Variants in GRAMD1B observed in about 807,000 individuals in gnomAD.
GRAMD1B encodes the protein protein Aster-B.
A neutral mutation model predicts 99.7 loss-of-function variants in GRAMD1B; 37 were observed. That is an observed-to-expected ratio of 0.37 (90% confidence interval 0.29 to 0.49). The LOEUF is 0.49. Ranked by LOEUF, GRAMD1B falls within the 20% of genes least tolerant of loss-of-function variation. The pLI is 0.98. For missense variants in GRAMD1B, 888 were observed against 1,009.2 expected (o/e 0.88, Z 1.63); for synonymous variants, 427 against 387.6 (o/e 1.10, Z -1.19).
intron 1 of GRAMD1B, among the ~76,000 whole-genome samples, chr11:123,466,841 C>T (rs564843633): frequency 1.3e-5 from 2 of 152,272 alleles, no homozygotes; most frequent in South Asian, 4.1e-4. Context: ...TATTTATTCT[C>T]TTGAGAGAGC....
chr11:123,512,903 A>G (rs946195476), intron 2 of GRAMD1B, among the ~76,000 whole-genome samples: 4 of 151,812 alleles, frequency 2.6e-5, no homozygotes, highest in Admixed American at 2.6e-4. Flanking sequence ...GGCTTTCATC[A>G]GCTCCCCAGG....
intron 1 of GRAMD1B, among the ~76,000 whole-genome samples, chr11:123,435,204 G>T (rs1949105013): frequency 6.6e-6 from 1 of 152,090 alleles, no homozygotes; most frequent in Non-Finnish European, 1.5e-5. Flanking sequence ...GATTAGGGAG[G>T]ATTAGCATAC....
At chr11:123,527,855 A>G (rs1942955432) in intron 2 of GRAMD1B, among the ~76,000 whole-genome samples, 1 of 152,194 alleles carries the variant, frequency 6.6e-6, no homozygotes, top group South Asian at 2.1e-4. Flanking sequence ...CTCTCAGCTC[A>G]GCCTGGGTTG....
rs1955517669 is a variant in GRAMD1B at position 123,626,492 on chromosome 11, G to T, written c.*3897G>T. ...TTGTGGTCCCAGAAGGGTACTTTCT[G>T]TGTCATACCATGCCACTTCTTTAAG... On this transcript the variant is annotated 3_prime_UTR_variant, in exon 20 of 20. Transcript: ENST00000635736. The T allele has an allele frequency of 6.6e-6, 1 of 151,946 alleles. No homozygotes were observed. Among genetic ancestry groups the T allele is most frequent in the Admixed American group, 6.6e-5 (1 of 15,222 alleles). The allele number at this position is 151,946 out of a possible 1,614,324, so 9.4% of individuals were successfully genotyped here. A position where few individuals can be genotyped will look rare whatever the true frequency, so the allele number is the denominator to read the frequency against.
Position 123,596,043 on chromosome 11 carries a change from T to C in GRAMD1B, c.969+6T>C, listed in dbSNP as rs1245099310. ...TTTGCACTGATTCAGAAAAGGTAAG[T>C]GGAGTCTAACTCTGGCCTTTCTAAT... On this transcript the variant is annotated splice_donor_region_variant and intron_variant, in intron 7 of 19. Transcript: ENST00000635736. 1 of 1,533,820 alleles carries C rather than the reference T, an allele frequency of 6.5e-7. No individual in the cohort carries two copies. The highest frequency in any genetic ancestry group is 9.0e-7 in the Non-Finnish European group (1 of 1,113,000).
At chr11:123,613,391 T>A in intron 15 of GRAMD1B, 64 bp from the exon 16 acceptor site, 1 of 1,190,436 alleles carries the variant, frequency 8.4e-7, no homozygotes, top group Non-Finnish European at 1.2e-6. Context: ...GGAAAATGGT[T>A]CTGCAGAGAG....
chr11:123,429,915 C>T (rs2134160725), upstream of GRAMD1B, among the ~76,000 whole-genome samples: 1 of 150,936 alleles, frequency 6.6e-6, no homozygotes. The surrounding 1 kb of genome is among the most constrained non-coding windows in gnomAD (Gnocchi z 4.0). Context: ...TGAAAAGTCT[C>T]CTCATTTTCC....
At chr11:123,418,442 A>C (rs889356388) in intron 1 of GRAMD1B, among the ~76,000 whole-genome samples, 2 of 152,202 alleles carry the variant, frequency 1.3e-5, no homozygotes, top group Admixed American at 1.3e-4. Flanking sequence ...AAGAGTTGAT[A>C]GATAAGCTGT....
rs372747888 is a variant in GRAMD1B, at chr11:123,612,925, G to A, written c.2023+61G>A. 8.4e-4 allele frequency: 777 copies of A among 920,342 alleles called. 8 individuals are homozygous for A. In the South Asian group the frequency reaches 0.011, roughly 13 times the overall value. The allele number at this position is 920,342 out of a possible 1,614,324, so 57.0% of individuals were successfully genotyped here. A position where few individuals can be genotyped will look rare whatever the true frequency, so the allele number is the denominator to read the frequency against. On this transcript the variant is annotated intron_variant, in intron 15 of 19. Coordinates refer to ENST00000635736, the MANE Select transcript of GRAMD1B (RefSeq NM_001387025.1). ...AGAGATGGTAAACTGCACTGCGGCC[G>A]CCCACCATTCAGGGGAATGGTATTG... is the stretch of plus-strand genomic sequence containing the variant.
chr11:123,381,609 G>A (rs760727987), intron 1 of GRAMD1B: 3 of 152,418 alleles, frequency 2.0e-5, no homozygotes, highest in East Asian at 1.9e-4. Flanking sequence ...ATTCAGAGTC[G>A]AGGTTCTAAT....
In GRAMD1B at chr11:123,547,254, G is replaced by C. The variant is rs572591670; in HGVS notation, c.453-30113G>C. Reference sequence around the variant, plus strand: ...GGACCCCAACTCTCAATCTGGAGAAGAAGGATCTATAAAATAGAAGCAGAT... The same window carrying C: ...GGACCCCAACTCTCAATCTGGAGAACAAGGATCTATAAAATAGAAGCAGAT... On this transcript the variant is annotated intron_variant, in intron 2 of 19. Coordinates refer to ENST00000635736, the MANE Select transcript of GRAMD1B (RefSeq NM_001387025.1). 2.7e-4 allele frequency among the ~76,000 whole-genome samples: 41 copies of C among 152,324 alleles called. 1 individual carries two copies. The South Asian group carries it at 4.6e-3, about 17-fold the overall frequency.
intron 4 of GRAMD1B, among the ~76,000 whole-genome samples, chr11:123,593,639 C>G (rs1301449049): frequency 6.6e-6 from 1 of 152,128 alleles, no homozygotes; most frequent in African/African-American, 2.4e-5. Context: ...CTCTGATAAT[C>G]ACGACAACAC....
intron 1 of GRAMD1B, among the ~76,000 whole-genome samples, chr11:123,449,122 A>G (rs1472026422): frequency 6.6e-6 from 1 of 152,196 alleles, no homozygotes; most frequent in Non-Finnish European, 1.5e-5. Context: ...TCGTTTGTTT[A>G]GTTAGCCTTT....
At chr11:123,435,061 T>A (rs1949099277) in intron 1 of GRAMD1B, among the ~76,000 whole-genome samples, 1 of 152,174 alleles carries the variant, frequency 6.6e-6, no homozygotes, top group Non-Finnish European at 1.5e-5. Context: ...ACTCTGTGAG[T>A]CTCTCACATG....
intron 2 of GRAMD1B, among the ~76,000 whole-genome samples, chr11:123,483,425 C>T (rs1951722527): frequency 7.0e-6 from 1 of 143,108 alleles, no homozygotes; most frequent in East Asian, 2.0e-4. Flanking sequence ...GGGTCTCTGT[C>T]ACCCAGGCTG....
At chr11:123,467,928 G>A (rs1274016181) in intron 1 of GRAMD1B, among the ~76,000 whole-genome samples, 1 of 150,264 alleles carries the variant, frequency 6.7e-6, no homozygotes, top group Non-Finnish European at 1.5e-5. Context: ...AAGTGGCGCA[G>A]TCTGAGTTCA....
chr11:123,613,423 G>C, intron 15 of GRAMD1B, 32 bp from the exon 16 acceptor site: 2 of 1,478,994 alleles, frequency 1.4e-6, no homozygotes, highest in Non-Finnish European at 1.9e-6. Context: ...GGCTGAAGGT[G>C]GCCTCTCCTG....
Position 123,603,560 on chromosome 11 carries a change from G to A in GRAMD1B, c.1166+19G>A, listed in dbSNP as rs563869593. ...CAATGGGGTGAGTGAGGCCAAGGGCGGCTGCCCAGAGGCAGCCGTGCGAGT... is the reference window on the plus strand; with the variant it reads ...CAATGGGGTGAGTGAGGCCAAGGGCAGCTGCCCAGAGGCAGCCGTGCGAGT... On this transcript the variant is annotated intron_variant, in intron 9 of 19. Coordinates refer to ENST00000635736, the MANE Select transcript of GRAMD1B (RefSeq NM_001387025.1). 19 of 1,505,568 alleles carry A rather than the reference G, an allele frequency of 1.3e-5. No individual in the cohort carries two copies. Among genetic ancestry groups the A allele is most frequent in the Middle Eastern group, 1.7e-4 (1 of 5,846 alleles). 93.3% of individuals were successfully genotyped at this position (1,505,568 alleles called of 1,614,324 possible). A position where few individuals can be genotyped will look rare whatever the true frequency, so the allele number is the denominator to read the frequency against.
chr11:123,568,728 T>C (rs1947703828), intron 2 of GRAMD1B, among the ~76,000 whole-genome samples: 1 of 152,200 alleles, frequency 6.6e-6, no homozygotes, highest in Non-Finnish European at 1.5e-5. Context: ...GAGACTCTGC[T>C]TTAGTGTAAG....
Sources: gnomAD v4.1 joint callset for allele counts (sites outside exome capture counted in the v4.1 genomes callset) on GRCh38, gnomAD v4.1.1 for gene constraint, Gnocchi (gnomAD v3.1) non-coding constraint, MANE v1.5 for transcripts, NCBI Gene and HGNC (gene_info 2026-07-23, HGNC 2026-07-21) for gene names.